Variants in EXOC6B observed in about 807,000 individuals in gnomAD.
EXOC6B encodes the protein SEC15 homolog B.
EXOC6B carries 54 observed loss-of-function variants against 113.5 expected under a neutral mutation model. The observed-to-expected ratio is 0.48, with a 90% CI of 0.38 to 0.60. The LOEUF (loss-of-function observed/expected upper bound fraction) is 0.60, where lower values mean the gene tolerates loss of function less well. EXOC6B is among the 20% of genes least tolerant of loss of function. EXOC6B has a pLI of 0.00. For missense variants in EXOC6B, 797 were observed against 977.5 expected, an observed-to-expected ratio of 0.82 and a Z score of 2.46; for synonymous variants, 357 against 339.0, an observed-to-expected ratio of 1.05 and a Z score of -0.58.
At chr2:72,791,811 A>G (rs1684687006) in intron 1 of EXOC6B, among the ~76,000 whole-genome samples, 1 of 152,200 alleles carries the variant, frequency 6.6e-6, no homozygotes, top group Non-Finnish European at 1.5e-5. Context: ...ATCTGGCCTC[A>G]CCACAATAAA....
chr2:72,244,171 A>G (rs1471008507), intron 20 of EXOC6B, among the ~76,000 whole-genome samples: 1 of 152,204 alleles, frequency 6.6e-6, no homozygotes, highest in African/African-American at 2.4e-5. Flanking sequence ...ACCTTAACAG[A>G]TTTAAACAAG....
chr2:72,550,807 C>T (rs1042764815), intron 8 of EXOC6B, among the ~76,000 whole-genome samples: 6 of 151,990 alleles, frequency 3.9e-5, no homozygotes, highest in Non-Finnish European at 7.4e-5. Flanking sequence ...GAACCCCTAT[C>T]TACATGTCTA....
chr2:72,498,384 G>A (rs865785393), intron 13 of EXOC6B, 70 bp downstream of exon 13: 3 of 1,034,232 alleles, frequency 2.9e-6, no homozygotes, highest in South Asian at 3.1e-5. Flanking sequence ...GAAAACCTTT[G>A]CGCATAAATA....
intron 6 of EXOC6B, among the ~76,000 whole-genome samples, chr2:72,656,742 T>C (rs540383293): frequency 3.3e-4 from 51 of 152,318 alleles, no homozygotes; most frequent in Non-Finnish European, 6.0e-4. Context: ...ACTACTACTA[T>C]CAGTTGATAT....
intron 20 of EXOC6B, among the ~76,000 whole-genome samples, chr2:72,238,682 G>T (rs1260096163): frequency 1.3e-5 from 2 of 152,044 alleles, no homozygotes; most frequent in African/African-American, 4.8e-5. Flanking sequence ...TCATGTAATT[G>T]TTGGCCATTT....
chr2:72,611,768 A>T (rs1558843268), intron 6 of EXOC6B, among the ~76,000 whole-genome samples: 1 of 152,228 alleles, frequency 6.6e-6, no homozygotes, highest in African/African-American at 2.4e-5. Flanking sequence ...AAACAAACTA[A>T]GGTACAACTA....
chr2:72,560,538 TG>T (rs762430057), intron 7 of EXOC6B, among the ~76,000 whole-genome samples: 7 of 152,082 alleles, frequency 4.6e-5, no homozygotes, highest in Non-Finnish European at 8.8e-5. Flanking sequence ...TTTCTTCTTT[TG>T]GGGCATAGCT....
At chr2:72,315,266 G>A (rs909678809) in intron 20 of EXOC6B, among the ~76,000 whole-genome samples, 4 of 151,972 alleles carry the variant, frequency 2.6e-5, no homozygotes, top group Non-Finnish European at 2.9e-5. Flanking sequence ...AGCATGTCTA[G>A]GAAACAATAA....
chr2:72,461,065 G>A (rs958483942), intron 18 of EXOC6B, among the ~76,000 whole-genome samples: 2 of 151,686 alleles, frequency 1.3e-5, no homozygotes, highest in East Asian at 1.9e-4. Flanking sequence ...GTAGGGACAC[G>A]GATGAAACTG....
intron 20 of EXOC6B, among the ~76,000 whole-genome samples, chr2:72,236,052 C>G (rs1454551115): frequency 6.6e-6 from 1 of 152,166 alleles, no homozygotes; most frequent in African/African-American, 2.4e-5. Context: ...AGGATTCCTA[C>G]TCACATTTTA....
In EXOC6B at chr2:72,575,562, T is replaced by G. The variant is rs1423908935; in HGVS notation, c.776A>C (p.Glu259Ala). The G allele has an allele frequency of 6.2e-7, 1 of 1,611,972 alleles. No individual in the cohort carries two copies. Among genetic ancestry groups the G allele is most frequent in the East Asian group, 2.2e-5 (1 of 44,778 alleles). Residue 259 changes from glutamate (E) to alanine (A), a missense_variant, in exon 7 of 22, where the codon GAA becomes GCA. Glu to Ala is a moderately radical substitution (Grantham distance 107). Coordinates refer to ENST00000272427, the MANE Select transcript of EXOC6B (RefSeq NM_015189.3). ...DAYIIFDTEI[E>A]STSPKSEQDS... is the part of the protein sequence containing the mutation. The stretch of plus-strand genomic sequence containing the variant: ...CTGTTCAGACTTCGGACTAGTACTT[T>G]CTATCTCTGTATCAAAGATTATATA...
intron 8 of EXOC6B, among the ~76,000 whole-genome samples, chr2:72,523,049 G>A (rs1701575154): frequency 6.6e-6 from 1 of 152,164 alleles, no homozygotes; most frequent in Non-Finnish European, 1.5e-5. Context: ...TTCTCCATGT[G>A]TCCAGACACT....
intron 6 of EXOC6B, among the ~76,000 whole-genome samples, chr2:72,649,634 TGAAGAAA>T (rs1674015870): frequency 6.6e-6 from 1 of 152,042 alleles, no homozygotes; most frequent in Non-Finnish European, 1.5e-5. Context: ...AAAACAATTT[TGAAGAAA>T]GAAGAAAGTG....
At chr2:72,811,598 A>G (rs1685927790) in intron 1 of EXOC6B, among the ~76,000 whole-genome samples, 1 of 152,196 alleles carries the variant, frequency 6.6e-6, no homozygotes, top group South Asian at 2.1e-4. Context: ...TCAAAACCAG[A>G]CATAAGACAA....
chr2:72,387,018 T>G (rs781350468), intron 18 of EXOC6B, among the ~76,000 whole-genome samples: 1 of 152,176 alleles, frequency 6.6e-6, no homozygotes. Context: ...AGCTATAGAT[T>G]TCTTATAGAT....
chr2:72,525,230 C>T (rs111608890), intron 8 of EXOC6B, among the ~76,000 whole-genome samples: 11 of 152,314 alleles, frequency 7.2e-5, no homozygotes, highest in African/African-American at 2.4e-4. Flanking sequence ...ATTAGCTTCC[C>T]CTTTCCAAGA....
chr2:72,395,885 A>G (rs1222187206), intron 18 of EXOC6B, among the ~76,000 whole-genome samples: 2 of 152,160 alleles, frequency 1.3e-5, no homozygotes, highest in Non-Finnish European at 2.9e-5. Flanking sequence ...TTGGGGCTCA[A>G]TGAATAATAG....
At chr2:72,650,231 T>C (rs7603797) in intron 6 of EXOC6B, among the ~76,000 whole-genome samples, 135,880 of 152,264 alleles carry the variant, frequency 0.89, 60,653 homozygotes, top group East Asian at 0.99. Context: ...AACCATCCCC[T>C]ACATCAGTTT....
intron 18 of EXOC6B, among the ~76,000 whole-genome samples, chr2:72,437,628 C>A (rs943325356): frequency 3.3e-5 from 5 of 152,182 alleles, no homozygotes; most frequent in Non-Finnish European, 7.3e-5. Context: ...GGTAGTCTGG[C>A]TACAGTGGCT....
Sources: gnomAD v4.1 joint callset for allele counts (sites outside exome capture counted in the v4.1 genomes callset) on GRCh38, gnomAD v4.1.1 for gene constraint, MANE v1.5 for transcripts, NCBI Gene and HGNC (gene_info 2026-07-23, HGNC 2026-07-21) for gene names.